The following GRIA2 variants were observed in gnomAD, a reference collection of about 807,000 sequenced individuals.
The protein encoded by GRIA2 is glutamate ionotropic receptor AMPA type subunit 2, also known as glutamate receptor 2.
Under a neutral mutation model 97.3 loss-of-function variants are expected in GRIA2, and 14 were observed. The observed-to-expected ratio is 0.14, with a 90% CI of 0.10 to 0.23. The LOEUF is 0.23. Ranked by LOEUF, GRIA2 falls within the 10% of genes least tolerant of loss-of-function variation. The probability of loss-of-function intolerance (pLI) is 1.00; values close to 1 mark genes in which losing one functional copy is unlikely to be tolerated. For synonymous variants in GRIA2, 412 were observed against 387.8 expected, an observed-to-expected ratio of 1.06 and a Z score of -0.73; for missense variants, 558 against 1,069.8, an observed-to-expected ratio of 0.52 and a Z score of 6.67.
chr4:157,281,039 A>G (rs995146588), intron 2 of GRIA2, among the ~76,000 whole-genome samples: 2 of 152,004 alleles, frequency 1.3e-5, no homozygotes, highest in Non-Finnish European at 2.9e-5. Flanking sequence ...GCTCCTCCTT[A>G]TCCAGAGAAC....
intron 2 of GRIA2, among the ~76,000 whole-genome samples, chr4:157,269,856 T>C (rs1449420500): frequency 6.6e-6 from 1 of 152,112 alleles, no homozygotes; most frequent in African/African-American, 2.4e-5. Context: ...TAGGTATCTT[T>C]TTTACTAAGA....
chr4:157,296,086 G>C (rs1229736827), intron 2 of GRIA2, among the ~76,000 whole-genome samples: 1 of 152,022 alleles, frequency 6.6e-6, no homozygotes, highest in Non-Finnish European at 1.5e-5. Context: ...TTTCAGGTTG[G>C]TAATGTCCCC....
intron 6 of GRIA2, among the ~76,000 whole-genome samples, chr4:157,327,322 T>A (rs972151583): frequency 6.6e-6 from 1 of 152,082 alleles, no homozygotes; most frequent in Non-Finnish European, 1.5e-5. Context: ...TGATGAAATA[T>A]GATTTAGATT....
chr4:157,257,138 A>T (rs1731315472), intron 2 of GRIA2, among the ~76,000 whole-genome samples: 2 of 152,054 alleles, frequency 1.3e-5, no homozygotes, highest in African/African-American at 4.8e-5. Flanking sequence ...AGATAAAAAC[A>T]AGTGTCAGGT....
At chr4:157,349,293 G>T (rs1229725225) in intron 12 of GRIA2, among the ~76,000 whole-genome samples, 2 of 152,048 alleles carry the variant, frequency 1.3e-5, no homozygotes, top group Non-Finnish European at 2.9e-5. Flanking sequence ...GGTACTCTTT[G>T]AATTTGCAGC....
rs1736625620 is a variant in GRIA2 at position 157,361,397 on chromosome 4, G to T, written c.2406+273G>T. The stretch of plus-strand genomic sequence containing the variant: ...TCCAGCGATACATTAATGCTCATTT[G>T]GCTCTGCAAATCTTACCGTTTGCTT... On this transcript the variant is annotated intron_variant, in intron 14 of 15. Coordinates refer to ENST00000264426, the MANE Select transcript of GRIA2 (RefSeq NM_001083619.3). The surrounding 1 kb of genome is among the most constrained non-coding windows in gnomAD (Gnocchi z 5.2). 1.4e-6 allele frequency: 1 copy of T among 698,830 alleles called. No individual in the cohort carries two copies. Among genetic ancestry groups the T allele is most frequent in the Non-Finnish European group, 2.4e-6 (1 of 409,800 alleles). 43.3% of individuals were successfully genotyped at this position (698,830 alleles called of 1,614,324 possible). A position where few individuals can be genotyped will look rare whatever the true frequency, so the allele number is the denominator to read the frequency against.
chr4:157,303,690 C>T lies in GRIA2; in HGVS notation c.368C>T (p.Pro123Leu). 1 of 1,614,082 alleles carries T rather than the reference C, an allele frequency of 6.2e-7. No homozygotes were observed. Among genetic ancestry groups the T allele is most frequent in the Non-Finnish European group, 8.5e-7 (1 of 1,179,984 alleles). Residue 123 changes from proline to leucine, a missense_variant, in exon 3 of 16, where the codon CCA (proline) becomes CTA (leucine). Transcript: ENST00000264426. ...TPSFPTDGTH[P>L]FVIQMRPDLK... is the part of the protein sequence containing the mutation. ...AGCTTCCCAACAGATGGCACACATC[C>T]ATTTGTCATTCAGATGAGACCCGAC...
intron 2 of GRIA2, among the ~76,000 whole-genome samples, chr4:157,295,665 G>A (rs1304357544): frequency 6.6e-6 from 1 of 152,072 alleles, no homozygotes; most frequent in Non-Finnish European, 1.5e-5. Context: ...CAGTGGAAAA[G>A]TGAACTTTAA....
chr4:157,344,851 T>TA (rs760084142), intron 12 of GRIA2, among the ~76,000 whole-genome samples: 17 of 152,212 alleles, frequency 1.1e-4, no homozygotes, highest in Admixed American at 6.5e-4. Context: ...AACTGAAAGA[T>TA]AAAAAATATG....
intron 2 of GRIA2, among the ~76,000 whole-genome samples, chr4:157,255,605 G>C (rs1731207125): frequency 6.6e-6 from 1 of 151,888 alleles, no homozygotes; most frequent in South Asian, 2.1e-4. Context: ...CATTCTGACT[G>C]GTGTAAGATG....
chr4:157,264,047 T>C (rs753637218), intron 2 of GRIA2, among the ~76,000 whole-genome samples: 2 of 151,986 alleles, frequency 1.3e-5, no homozygotes, highest in African/African-American at 2.4e-5. Flanking sequence ...CAAATGAAAA[T>C]ATGTGAATAA....
At position 157,363,761 on chromosome 4, in the gene GRIA2, A is replaced by G. The variant is rs527968873; in HGVS notation, c.*330A>G. 6 of 398,082 alleles carry G rather than the reference A, an allele frequency of 1.5e-5. No homozygotes were observed. The highest frequency in any genetic ancestry group is 1.2e-4 in the African/African-American group (6 of 48,672). 24.7% of individuals were successfully genotyped at this position (398,082 alleles called of 1,614,324 possible). The stretch of plus-strand genomic sequence containing the variant: ...GTAAGGAATGATTAATTAAAACACA[A>G]CATCTTTTTCTACTCGAGTTACAGA... On this transcript the variant is annotated 3_prime_UTR_variant, in exon 16 of 16. Coordinates refer to ENST00000264426, the MANE Select transcript of GRIA2 (RefSeq NM_001083619.3).
chr4:157,246,763 G>C (rs1314684340), intron 2 of GRIA2, among the ~76,000 whole-genome samples: 1 of 152,032 alleles, frequency 6.6e-6, no homozygotes, highest in Non-Finnish European at 1.5e-5. Context: ...TCACTTCTTA[G>C]AGTTGATTTT....
intron 3 of GRIA2, among the ~76,000 whole-genome samples, chr4:157,311,667 A>G (rs1045474480): frequency 9.9e-5 from 15 of 152,158 alleles, no homozygotes; most frequent in African/African-American, 3.4e-4. Flanking sequence ...TAATATTGTT[A>G]GAGAAAGATG....
chr4:157,252,458 G>A (rs985216787), intron 2 of GRIA2, among the ~76,000 whole-genome samples: 2 of 152,060 alleles, frequency 1.3e-5, no homozygotes, highest in African/African-American at 4.8e-5. Context: ...TAAAATTCAA[G>A]CTTTTAAGTT....
In GRIA2 at chr4:157,319,567, C is replaced by T. The variant is rs371848015; in HGVS notation, c.720+1856C>T. ...CTAGTGAATCAATAAGTTCGAAAGG[C>T]TGTATAGTGTTGCAATTTCTGAGAA... On this transcript the variant is annotated intron_variant, in intron 5 of 15. Coordinates refer to ENST00000264426, the MANE Select transcript of GRIA2 (RefSeq NM_001083619.3). Among the ~76,000 whole-genome samples the T allele has an allele frequency of 6.0e-4, 91 of 152,174 alleles. No individual in the cohort carries two copies. In the East Asian group the frequency reaches 0.011, roughly 18 times the overall value.
chr4:157,355,600 A>ATATTTATATACATT (rs1736221725), intron 12 of GRIA2, among the ~76,000 whole-genome samples: 1 of 102,614 alleles, frequency 9.7e-6, no homozygotes, highest in Non-Finnish European at 1.8e-5. Flanking sequence ...ATTTATATAT[A>ATATTTATATACATT]TATTTATATA....
At chr4:157,284,463 T>C (rs1017769221) in intron 2 of GRIA2, among the ~76,000 whole-genome samples, 2 of 151,398 alleles carry the variant, frequency 1.3e-5, no homozygotes, top group African/African-American at 4.8e-5. Flanking sequence ...TTATTAAATA[T>C]GTCAGACCTA....
intron 2 of GRIA2, among the ~76,000 whole-genome samples, chr4:157,302,106 G>A (rs2126862542): frequency 6.6e-6 from 1 of 151,378 alleles, no homozygotes; most frequent in Non-Finnish European, 1.5e-5. Context: ...CCGGGAGGCG[G>A]AGGTTGCAGT....
Sources: allele counts gnomAD v4.1 joint callset (sites outside exome capture counted in the v4.1 genomes callset), GRCh38; gene constraint gnomAD v4.1.1; non-coding constraint Gnocchi (gnomAD v3.1); transcripts MANE v1.5; gene names NCBI Gene and HGNC (gene_info 2026-07-23, HGNC 2026-07-21).